Variants in HVCN1 observed in about 807,000 individuals in gnomAD.
The protein encoded by HVCN1 is hydrogen voltage gated channel 1.
HVCN1 carries 14 observed loss-of-function variants against 29.2 expected under a neutral mutation model. The ratio of observed to expected loss-of-function variants is 0.48; its 90% CI spans 0.32 to 0.75. The LOEUF (loss-of-function observed/expected upper bound fraction) is 0.75. Among genes scored for constraint, HVCN1 ranks in the 30% least tolerant of loss-of-function variants. The probability of loss-of-function intolerance (pLI) is 0.04; values close to 1 mark genes in which losing one functional copy is unlikely to be tolerated. For synonymous variants in HVCN1, 131 were observed against 133.2 expected (o/e 0.98, Z 0.11); for missense variants, 263 against 341.8 (o/e 0.77, Z 1.82).
chr12:110,672,170 G>A (rs1365241044), intron 3 of HVCN1, among the ~76,000 whole-genome samples: 1 of 152,118 alleles, frequency 6.6e-6, no homozygotes, highest in Non-Finnish European at 1.5e-5. Context: ...ATCTCATTTT[G>A]TTGTTCAGGC....
chr12:110,684,737 A>AT (rs1371301372), intron 2 of HVCN1, among the ~76,000 whole-genome samples: 1 of 152,168 alleles, frequency 6.6e-6, no homozygotes, highest in Non-Finnish European at 1.5e-5. Context: ...TTAAAACGTT[A>AT]TTTTTAACAT....
At chr12:110,675,262 C>A (rs183883366) in intron 3 of HVCN1, among the ~76,000 whole-genome samples, 305 of 152,294 alleles carry the variant, frequency 2.0e-3, no homozygotes, top group African/African-American at 7.1e-3. Context: ...AGTTCAAGAC[C>A]AGCCTCACCA....
At position 110,679,576 on chromosome 12, in the gene HVCN1, G is replaced by A. The variant is rs184987963; in HGVS notation, c.21+3649C>T. Reference sequence around the variant, plus strand: ...TTTTACAAAAGAGGAAAACTGGGCCGGGCGCGGTGGCTCACGCCTGTAATC... The same window carrying A: ...TTTTACAAAAGAGGAAAACTGGGCCAGGCGCGGTGGCTCACGCCTGTAATC... On this transcript the variant is annotated intron_variant, in intron 3 of 7. Transcript: ENST00000242607. Among the ~76,000 whole-genome samples the A allele has an allele frequency of 2.1e-3, 320 of 152,292 alleles. 3 individuals carry two copies. The highest frequency in any genetic ancestry group is 7.5e-3 in the African/African-American group (311 of 41,558).
At chr12:110,665,549 T>TC (rs2068316641) in intron 3 of HVCN1, among the ~76,000 whole-genome samples, 1 of 133,556 alleles carries the variant, frequency 7.5e-6, no homozygotes, top group Non-Finnish European at 1.6e-5. Flanking sequence ...AGAGTGAAAC[T>TC]CCATCTCAAA....
Position 110,658,401 on chromosome 12 carries a change from A to T in HVCN1, c.306+2763T>A, listed in dbSNP as rs2068057421. Among the ~76,000 whole-genome samples the T allele has an allele frequency of 6.6e-6, 1 of 151,910 alleles. No individual in the cohort carries two copies. Among genetic ancestry groups the T allele is most frequent in the Non-Finnish European group, 1.5e-5 (1 of 67,964 alleles). ...TCTGATCTCCCACCCACACACTTAG[A>T]GCTTTCAAAGGCAGCCCATGACCCG... is the stretch of plus-strand genomic sequence containing the variant. On this transcript the variant is annotated intron_variant, in intron 4 of 7. Transcript: ENST00000242607. The surrounding 1 kb of genome is among the most constrained non-coding windows in gnomAD (Gnocchi z 5.0).
chr12:110,652,316 A>C lies in HVCN1; in HGVS notation c.412-868T>G, dbSNP rs138636574. 7.1e-3 allele frequency among the ~76,000 whole-genome samples: 1,076 copies of C among 152,258 alleles called. 1 individual carries two copies. The highest frequency in any genetic ancestry group is 9.4e-3 in the Non-Finnish European group (641 of 68,000). On this transcript the variant is annotated intron_variant, in intron 5 of 7. Transcript: ENST00000242607. ...GCTGAGGCAGGAGAATTGCTTGAACACGGAGGAGAGGTTGCAGTGAGCCGA... is the reference window on the plus strand; with the variant it reads ...GCTGAGGCAGGAGAATTGCTTGAACCCGGAGGAGAGGTTGCAGTGAGCCGA...
chr12:110,660,158 C>T (rs909342718), intron 4 of HVCN1, among the ~76,000 whole-genome samples: 3 of 151,862 alleles, frequency 2.0e-5, no homozygotes, highest in Admixed American at 6.6e-5. Flanking sequence ...GGGTGGATCA[C>T]CTGAGGTCAG....
At position 110,689,067 on chromosome 12, in the gene HVCN1, C is replaced by T. The variant is rs960517537; in HGVS notation, c.-104+13G>A. On this transcript the variant is annotated intron_variant, in intron 1 of 7. Coordinates refer to ENST00000242607, the MANE Select transcript of HVCN1 (RefSeq NM_032369.4). This position sits in a 1 kb window ranked among gnomAD's most constrained non-coding sequence, Gnocchi z 5.7. ...CAAACGGGGTACGCCCCCCGCCCGGCCCGAGCACTTACCCGGCGCCCCACC... is the reference window on the plus strand; with the variant it reads ...CAAACGGGGTACGCCCCCCGCCCGGTCCGAGCACTTACCCGGCGCCCCACC... 24 of 151,788 alleles carry T rather than the reference C, an allele frequency of 1.6e-4. No individual in the cohort carries two copies. Among genetic ancestry groups the T allele is most frequent in the Non-Finnish European group, 2.9e-4 (20 of 68,196 alleles). The allele number at this position is 151,788 out of a possible 1,614,324, so 9.4% of individuals were successfully genotyped here.
chr12:110,699,128 A>C (rs1039652370), intron 2 of HVCN1, among the ~76,000 whole-genome samples: 3 of 152,356 alleles, frequency 2.0e-5, no homozygotes, highest in Middle Eastern at 3.4e-3. Flanking sequence ...ACTCCATCTC[A>C]AAACAAGCAA....
At chr12:110,675,521 A>T (rs1425184185) in intron 3 of HVCN1, among the ~76,000 whole-genome samples, 1 of 152,190 alleles carries the variant, frequency 6.6e-6, no homozygotes. Flanking sequence ...CAGCACAGGA[A>T]CTCAAGTCCG....
intron 2 of HVCN1, among the ~76,000 whole-genome samples, chr12:110,683,484 C>T (rs1195278771): frequency 2.0e-5 from 3 of 152,122 alleles, no homozygotes; most frequent in Non-Finnish European, 2.9e-5. Context: ...TATTTGTACA[C>T]GAAAGTTCAT....
At chr12:110,687,268 C>CG (rs2069225085) in intron 2 of HVCN1, among the ~76,000 whole-genome samples, 2 of 149,618 alleles carry the variant, frequency 1.3e-5, no homozygotes, top group South Asian at 2.1e-4. Flanking sequence ...CCCCCCCCCC[C>CG]CAGCTAAGCA....
chr12:110,687,710 G>A (rs796691205), intron 2 of HVCN1, among the ~76,000 whole-genome samples: 8 of 152,236 alleles, frequency 5.3e-5, no homozygotes, highest in African/African-American at 1.9e-4. Flanking sequence ...AGAACTTGTC[G>A]CTAGCCTAGA....
chr12:110,701,883 AAACAACAAC>A (rs376581552), intron 2 of HVCN1, among the ~76,000 whole-genome samples: 23 of 149,794 alleles, frequency 1.5e-4, no homozygotes, highest in African/African-American at 2.5e-4. Flanking sequence ...AACAAGAACA[AAACAACAAC>A]AACAACAACA....
chr12:110,690,128 G>C (rs1437773506), upstream of HVCN1, among the ~76,000 whole-genome samples: 3 of 152,198 alleles, frequency 2.0e-5, no homozygotes, highest in African/African-American at 7.2e-5. Flanking sequence ...GTGCCTTCTG[G>C]AGGCGCCAGG....
At chr12:110,665,954 C>T (rs927914230) in intron 3 of HVCN1, among the ~76,000 whole-genome samples, 6 of 149,366 alleles carry the variant, frequency 4.0e-5, no homozygotes, top group South Asian at 2.1e-4. Flanking sequence ...TGCGGTAAGC[C>T]GAGATTGCAC....
intron 4 of HVCN1, among the ~76,000 whole-genome samples, chr12:110,660,745 A>T (rs1026316545): frequency 1.3e-4 from 19 of 152,000 alleles, no homozygotes; most frequent in African/African-American, 4.3e-4. Flanking sequence ...GTCTCTATGG[A>T]TTTGCCTGTT....
chr12:110,696,291 A>C (rs2136507441), intron 2 of HVCN1, among the ~76,000 whole-genome samples: 1 of 152,286 alleles, frequency 6.6e-6, no homozygotes, highest in Admixed American at 6.5e-5. Flanking sequence ...GTAGTAAAAT[A>C]CACATAACAT....
rs1339414592 is a variant in HVCN1, at chr12:110,649,469, C to A, written c.763G>T (p.Glu255Ter). Residue 255 changes from glutamate to a stop codon, truncating the protein, a stop_gained, in exon 8 of 8, where the codon GAA (glutamate) becomes TAA (stop). Coordinates refer to ENST00000242607, the MANE Select transcript of HVCN1 (RefSeq NM_032369.4). LOFTEE classifies it high-confidence loss of function. ...AATAGTTTGTTAAGTCTTTCAATTT[C>A]TTGTTCCTATTGCAAAAGCAGACAA... ...LEFSCSEKEQ[E>*]IERLNKLLRQ... The A allele has an allele frequency of 6.2e-7, 1 of 1,602,540 alleles. No homozygotes were observed. The highest frequency in any genetic ancestry group is 2.2e-5 in the East Asian group (1 of 44,768).
Sources: gnomAD v4.1 joint callset for allele counts (sites outside exome capture counted in the v4.1 genomes callset) on GRCh38, gnomAD v4.1.1 for gene constraint, Gnocchi (gnomAD v3.1) non-coding constraint, MANE v1.5 for transcripts, NCBI Gene and HGNC (gene_info 2026-07-23, HGNC 2026-07-21) for gene names.